The following BTBD9 variants were observed in gnomAD, a reference collection of about 807,000 sequenced individuals.
The protein encoded by BTBD9 is BTB domain containing 9.
A neutral mutation model predicts 64.3 loss-of-function variants in BTBD9; 49 were observed. The observed-to-expected ratio is 0.76, with a 90% confidence interval of 0.61 to 0.97. BTBD9 has a LOEUF of 0.97. Among genes scored for constraint, BTBD9 ranks in the 50% least tolerant of loss-of-function variants. The probability of loss-of-function intolerance (pLI) is 0.00; values close to 1 mark genes in which losing one functional copy is unlikely to be tolerated. For synonymous variants in BTBD9, 260 were observed against 274.7 expected (o/e 0.95, Z 0.53); for missense variants, 598 against 762.1 (o/e 0.78, Z 2.53).
chr6:38,487,915 C>T (rs934000013), intron 6 of BTBD9, among the ~76,000 whole-genome samples: 4 of 152,104 alleles, frequency 2.6e-5, no homozygotes, highest in African/African-American at 9.7e-5. Flanking sequence ...ATTATCTGGT[C>T]CTTTACCAAA....
rs1766677020 is a variant in BTBD9 at position 38,169,774 on chromosome 6, C to A, written c.*5211G>T. ...CTCCTCCACCCCCCCTCCCCCCCGC[C>A]CATTCAGGGCTATAAATACTCACGG... On this transcript the variant is annotated 3_prime_UTR_variant, in exon 11 of 11. Transcript: ENST00000481247. The A allele has an allele frequency of 6.6e-6, 1 of 151,780 alleles. No individual in the cohort carries two copies. Among genetic ancestry groups the A allele is most frequent in the Admixed American group, 6.6e-5 (1 of 15,244 alleles). The allele number at this position is 151,780 out of a possible 1,614,324, so 9.4% of individuals were successfully genotyped here.
At position 38,425,276 on chromosome 6, in the gene BTBD9, T is replaced by C. The variant is rs149738551; in HGVS notation, c.1155-80183A>G. On this transcript the variant is annotated intron_variant, in intron 6 of 10. Coordinates refer to ENST00000481247, the MANE Select transcript of BTBD9 (RefSeq NM_001099272.2). ...ACCTGCCACCACGCCTAGTTAACTT[T>C]TGTATTTTTAGTAGAGATAGGGTTT... is the stretch of plus-strand genomic sequence containing the variant. Among the ~76,000 whole-genome samples the C allele has an allele frequency of 2.3e-3, 352 of 151,758 alleles. 2 individuals carry two copies. Among genetic ancestry groups the C allele is most frequent in the South Asian group, 0.012 (58 of 4,802 alleles).
chr6:38,395,511 G>C (rs1333139069), intron 6 of BTBD9, among the ~76,000 whole-genome samples: 1 of 152,164 alleles, frequency 6.6e-6, no homozygotes, highest in African/African-American at 2.4e-5. Context: ...CTCACCAGAT[G>C]CCAAAATTGT....
intron 6 of BTBD9, among the ~76,000 whole-genome samples, chr6:38,357,220 C>CT (rs1764760550): frequency 6.6e-6 from 1 of 152,062 alleles, no homozygotes; most frequent in African/African-American, 2.4e-5. Flanking sequence ...TAGCCCTTCC[C>CT]TACCCACTTC....
At chr6:38,222,262 T>TG (rs200894083) in intron 9 of BTBD9, among the ~76,000 whole-genome samples, 13,130 of 132,280 alleles carry the variant, frequency 0.099, 1,201 homozygotes, top group African/African-American at 0.19. Context: ...CAGTTGTTTT[T>TG]TTTTTTTTTT....
At chr6:38,530,144 G>A (rs1366571504) in intron 6 of BTBD9, among the ~76,000 whole-genome samples, 6 of 152,086 alleles carry the variant, frequency 3.9e-5, no homozygotes, top group South Asian at 4.2e-4. Flanking sequence ...CCTGCAGTAC[G>A]CTGGGCTTAC....
At chr6:38,586,286 A>G (rs1031056984) in intron 4 of BTBD9, among the ~76,000 whole-genome samples, 2 of 152,204 alleles carry the variant, frequency 1.3e-5, no homozygotes, top group African/African-American at 2.4e-5. Flanking sequence ...AAATTCATTA[A>G]AAAGTTAATT....
intron 6 of BTBD9, among the ~76,000 whole-genome samples, chr6:38,353,910 T>C (rs1381270955): frequency 6.6e-6 from 1 of 152,182 alleles, no homozygotes; most frequent in South Asian, 2.1e-4. Flanking sequence ...GCAAGGGAAG[T>C]TTCTCCTCTT....
chr6:38,174,722 G>A lies in BTBD9; in HGVS notation c.*263C>T. 2.0e-6 allele frequency: 1 copy of A among 510,526 alleles called. No individual in the cohort carries two copies. The highest frequency in any genetic ancestry group is 3.5e-6 in the Non-Finnish European group (1 of 287,938). 31.6% of individuals were successfully genotyped at this position (510,526 alleles called of 1,614,324 possible). On this transcript the variant is annotated 3_prime_UTR_variant, in exon 11 of 11. Coordinates refer to ENST00000481247, the MANE Select transcript of BTBD9 (RefSeq NM_001099272.2). ...GCCTGGGCTAGATTAGAGAGGTAGG[G>A]TGTTAATGGTGGACTTGATGAAGAT...
At chr6:38,230,971 A>G (rs1763585891) in intron 9 of BTBD9, among the ~76,000 whole-genome samples, 1 of 152,118 alleles carries the variant, frequency 6.6e-6, no homozygotes, top group African/African-American at 2.4e-5. Flanking sequence ...ATTTCCCCCT[A>G]CTAGGATGTA....
In BTBD9 at chr6:38,517,769, G is replaced by A. The variant is rs149082744; in HGVS notation, c.1154+59831C>T. Among the ~76,000 whole-genome samples, 4 of 152,222 alleles carry A rather than the reference G, an allele frequency of 2.6e-5. No homozygotes were observed. In the East Asian group the frequency reaches 7.7e-4, roughly 29 times the overall value. On this transcript the variant is annotated intron_variant, in intron 6 of 10. Transcript: ENST00000481247. ...GAGTCACCTTCCATGTCTCTTCTTA[G>A]TTTGTTGTAAAGCAAAAGCTAGCTG...
chr6:38,401,422 A>G, intron 6 of BTBD9, among the ~76,000 whole-genome samples: 1 of 152,182 alleles, frequency 6.6e-6, no homozygotes, highest in African/African-American at 2.4e-5. Flanking sequence ...TCTTTATATC[A>G]GTGTGAAAAT....
At chr6:38,489,841 T>C (rs1771623349) in intron 6 of BTBD9, among the ~76,000 whole-genome samples, 1 of 152,254 alleles carries the variant, frequency 6.6e-6, no homozygotes, top group South Asian at 2.1e-4. Flanking sequence ...ATTCATCTTC[T>C]TTTTGATGAT....
At chr6:38,588,405 T>C (rs977654730) in intron 4 of BTBD9, 28 of 822,668 alleles carry the variant, frequency 3.4e-5, no homozygotes, top group African/African-American at 6.7e-5. Flanking sequence ...CTGGGGCCTA[T>C]AGACCAAGAT....
intron 7 of BTBD9, among the ~76,000 whole-genome samples, chr6:38,337,069 A>T (rs1181326168): frequency 2.0e-5 from 3 of 152,214 alleles, no homozygotes; most frequent in Non-Finnish European, 4.4e-5. Flanking sequence ...GTTCAGACTC[A>T]CTAGTGCCAC....
At chr6:38,511,879 T>C (rs1285761928) in intron 6 of BTBD9, among the ~76,000 whole-genome samples, 1 of 152,108 alleles carries the variant, frequency 6.6e-6, no homozygotes, top group Non-Finnish European at 1.5e-5. Context: ...TGTGTACATG[T>C]AGAGGAAAGG....
chr6:38,611,467 ACCT>A (rs1306598059), intron 1 of BTBD9, among the ~76,000 whole-genome samples: 3 of 152,146 alleles, frequency 2.0e-5, no homozygotes, highest in South Asian at 2.1e-4. Flanking sequence ...AACATAGATG[ACCT>A]CCTACTTGTA....
At chr6:38,508,315 C>T (rs1327038019) in intron 6 of BTBD9, among the ~76,000 whole-genome samples, 1 of 151,984 alleles carries the variant, frequency 6.6e-6, no homozygotes, top group Non-Finnish European at 1.5e-5. Flanking sequence ...GTGAATGGTA[C>T]CTCCATCCCT....
intron 9 of BTBD9, among the ~76,000 whole-genome samples, chr6:38,198,713 A>C (rs139846249): frequency 6.6e-6 from 1 of 152,376 alleles, no homozygotes; most frequent in African/African-American, 2.4e-5. Flanking sequence ...ACTGGCAAGT[A>C]AACACAGCAA....
Sources: gnomAD v4.1 joint callset for allele counts (sites outside exome capture counted in the v4.1 genomes callset) on GRCh38, gnomAD v4.1.1 for gene constraint, MANE v1.5 for transcripts, NCBI Gene and HGNC (gene_info 2026-07-23, HGNC 2026-07-21) for gene names.